Variants in CSMD1 observed in about 807,000 individuals in gnomAD.
CSMD1 encodes CUB and sushi domain-containing protein 1.
In CSMD1, 213 loss-of-function variants were observed where a neutral mutation model predicts 417.5. The observed-to-expected ratio is 0.51, with a 90% CI of 0.46 to 0.57. The LOEUF is 0.57. Ranked by LOEUF, CSMD1 falls within the 20% of genes least tolerant of loss-of-function variation. The probability of loss-of-function intolerance (pLI) is 0.00; values close to 1 mark genes in which losing one functional copy is unlikely to be tolerated. For missense variants in CSMD1, 6,923 were observed against 4,529.7 expected, an observed-to-expected ratio of 1.53 and a Z score of -15.17; for synonymous variants, 2,862 against 1,736.8, an observed-to-expected ratio of 1.65 and a Z score of -16.11.
At chr8:3,484,922 T>C (rs923384443) in intron 11 of CSMD1, among the ~76,000 whole-genome samples, 1 of 152,014 alleles carries the variant, frequency 6.6e-6, no homozygotes, top group Non-Finnish European at 1.5e-5. Flanking sequence ...ATAAAACCAA[T>C]TGTGGGGACG....
chr8:3,518,333 A>G (rs1398086387), intron 10 of CSMD1, among the ~76,000 whole-genome samples: 3 of 152,204 alleles, frequency 2.0e-5, no homozygotes, highest in Non-Finnish European at 4.4e-5. Context: ...TGGAGCTTAA[A>G]TGCAAACCTG....
rs1585082716 is a variant in CSMD1, at chr8:2,977,508, G to A, written c.8566+1104C>T. On this transcript the variant is annotated intron_variant, in intron 55 of 69. Transcript: ENST00000635120. ...TTCTTTATTCAGTGTTTTACTGATGGGCACTTGGGTTGATTCCATGTGTGG... is the reference window on the plus strand; with the variant it reads ...TTCTTTATTCAGTGTTTTACTGATGAGCACTTGGGTTGATTCCATGTGTGG... Among the ~76,000 whole-genome samples, 3 of 152,242 alleles carry A rather than the reference G, an allele frequency of 2.0e-5. No homozygotes were observed. In the South Asian group the frequency reaches 6.2e-4, roughly 32 times the overall value.
At chr8:4,979,461 G>T (rs758409998) in intron 1 of CSMD1, among the ~76,000 whole-genome samples, 7 of 152,070 alleles carry the variant, frequency 4.6e-5, no homozygotes, top group Admixed American at 4.6e-4. Context: ...TGCCGTCAAA[G>T]GTACCTTTAG....
At chr8:3,363,814 T>A (rs1016415699) in intron 20 of CSMD1, among the ~76,000 whole-genome samples, 2 of 152,318 alleles carry the variant, frequency 1.3e-5, no homozygotes, top group Admixed American at 6.5e-5. Flanking sequence ...AGACACGTCG[T>A]AGCGAGTGGG....
chr8:4,570,998 C>CT (rs911135697), intron 2 of CSMD1, among the ~76,000 whole-genome samples: 12 of 151,800 alleles, frequency 7.9e-5, no homozygotes, highest in Admixed American at 1.3e-4. Context: ...ATCCCTTTAT[C>CT]TTTTTTTTAT....
intron 3 of CSMD1, among the ~76,000 whole-genome samples, chr8:4,122,886 G>A (rs1385062762): frequency 6.6e-6 from 1 of 152,206 alleles, no homozygotes; most frequent in African/African-American, 2.4e-5. Flanking sequence ...AACTCCTGAA[G>A]AAACTAATAG....
At chr8:2,948,814 G>T (rs1369476011) in intron 68 of CSMD1, among the ~76,000 whole-genome samples, 1 of 152,000 alleles carries the variant, frequency 6.6e-6, no homozygotes, top group Admixed American at 6.6e-5. Flanking sequence ...AATTAAACAT[G>T]AGCATCTTTT....
chr8:4,080,248 G>A (rs76323009), intron 3 of CSMD1, among the ~76,000 whole-genome samples: 4 of 152,064 alleles, frequency 2.6e-5, no homozygotes, highest in Non-Finnish European at 5.9e-5. Context: ...ATCACTGCCT[G>A]CTTTTAAACA....
chr8:4,677,162 T>C (rs1332558786), intron 1 of CSMD1, among the ~76,000 whole-genome samples: 1 of 149,088 alleles, frequency 6.7e-6, no homozygotes, highest in Non-Finnish European at 1.5e-5. Flanking sequence ...TATATCTCTA[T>C]CGGATTTTAT....
At chr8:4,528,631 A>G (rs1796638702) in intron 2 of CSMD1, among the ~76,000 whole-genome samples, 2 of 152,194 alleles carry the variant, frequency 1.3e-5, no homozygotes, top group Admixed American at 1.3e-4. Flanking sequence ...GTTGATGTAT[A>G]GGTTTATGGC....
chr8:4,759,781 A>C (rs1278499198), intron 1 of CSMD1, among the ~76,000 whole-genome samples: 5 of 152,210 alleles, frequency 3.3e-5, no homozygotes, highest in Non-Finnish European at 5.9e-5. Flanking sequence ...TCCATAGTAC[A>C]TATGTACCAG....
At chr8:3,863,380 C>G (rs1401755353) in intron 5 of CSMD1, among the ~76,000 whole-genome samples, 1 of 129,926 alleles carries the variant, frequency 7.7e-6, no homozygotes, top group East Asian at 2.2e-4. Context: ...TAGGCTACAG[C>G]AATGATACTC....
intron 12 of CSMD1, among the ~76,000 whole-genome samples, chr8:3,418,595 A>G (rs1813301751): frequency 6.6e-6 from 1 of 152,186 alleles, no homozygotes; most frequent in Admixed American, 6.5e-5. Context: ...TTCAGATCCA[A>G]CAATGTCCTG....
At chr8:4,903,689 T>A (rs997623007) in intron 1 of CSMD1, among the ~76,000 whole-genome samples, 4 of 152,186 alleles carry the variant, frequency 2.6e-5, no homozygotes, top group African/African-American at 9.7e-5. Flanking sequence ...TACCAAAGGT[T>A]GTAATAAGGT....
intron 3 of CSMD1, among the ~76,000 whole-genome samples, chr8:4,149,258 C>G (rs961977503): frequency 3.9e-5 from 6 of 152,124 alleles, no homozygotes; most frequent in Admixed American, 3.9e-4. Context: ...GCCACTATGC[C>G]CAGCCCGTAA....
intron 5 of CSMD1, among the ~76,000 whole-genome samples, chr8:3,809,955 G>T (rs1344907541): frequency 6.6e-6 from 1 of 152,076 alleles, no homozygotes; most frequent in Non-Finnish European, 1.5e-5. Flanking sequence ...ACTTACTCAA[G>T]GGCCTTCCAA....
rs1042384221 is a variant in CSMD1, at chr8:3,165,889, C to T, written c.5726-3612G>A. On this transcript the variant is annotated intron_variant, in intron 37 of 69. Transcript: ENST00000635120. ...AAATCAACCATCTACAGAATGGCTC[C>T]GAAACAGAAAAGCCAGAAAGGAGGT... 3.9e-5 allele frequency among the ~76,000 whole-genome samples: 6 copies of T among 152,032 alleles called. No individual in the cohort carries two copies. In the South Asian group the frequency reaches 8.3e-4, roughly 21 times the overall value.
intron 1 of CSMD1, among the ~76,000 whole-genome samples, chr8:4,729,949 C>A (rs1809734860): frequency 6.6e-6 from 1 of 152,174 alleles, no homozygotes; most frequent in South Asian, 2.1e-4. Context: ...CTTGTGCGCA[C>A]ACACTGCAGC....
At chr8:4,245,976 C>T (rs756006545) in intron 3 of CSMD1, among the ~76,000 whole-genome samples, 2 of 152,132 alleles carry the variant, frequency 1.3e-5, no homozygotes, top group African/African-American at 4.8e-5. Context: ...GGGCCGTGGA[C>T]AGGGATGGTC....
Sources: gnomAD v4.1 joint callset for allele counts (sites outside exome capture counted in the v4.1 genomes callset) on GRCh38, gnomAD v4.1.1 for gene constraint, MANE v1.5 for transcripts, NCBI Gene and HGNC (gene_info 2026-07-23, HGNC 2026-07-21) for gene names.